The following ERG variants were observed in gnomAD, a reference collection of about 807,000 sequenced individuals.
ERG encodes the protein transcriptional regulator ERG.
A neutral mutation model predicts 55.3 loss-of-function variants in ERG; 9 were observed. That is an observed-to-expected ratio of 0.16 (90% CI 0.10 to 0.28). ERG has a LOEUF of 0.28. Ranked by LOEUF, ERG falls within the 10% of genes least tolerant of loss-of-function variation. The pLI is 1.00. For missense variants in ERG, 434 were observed against 631.6 expected (o/e 0.69, Z 3.35); for synonymous variants, 223 against 237.3 (o/e 0.94, Z 0.55).
At chr21:38,596,622 A>G (rs1339164811) in intron 1 of ERG, among the ~76,000 whole-genome samples, 1 of 152,256 alleles carries the variant, frequency 6.6e-6, no homozygotes, top group Non-Finnish European at 1.5e-5. Context: ...TCAACTACAC[A>G]GGTACATGCA....
intron 1 of ERG, among the ~76,000 whole-genome samples, chr21:38,485,974 C>G (rs1388262827): frequency 6.6e-6 from 1 of 151,818 alleles, no homozygotes; most frequent in Non-Finnish European, 1.5e-5. Context: ...CGCTCTGTAG[C>G]CCAGGCTGGA....
chr21:38,542,018 T>C (rs901191690), intron 2 of ERG, among the ~76,000 whole-genome samples: 2 of 152,194 alleles, frequency 1.3e-5, no homozygotes, highest in African/African-American at 4.8e-5. Flanking sequence ...TCGTTTTTGT[T>C]TTTCTTTTTT....
rs1987504410 is a variant in ERG, at chr21:38,382,697, C to T, written c.*706G>A. The T allele has an allele frequency of 1.9e-6, 2 of 1,067,014 alleles. No homozygotes were observed. 66.1% of individuals were successfully genotyped at this position (1,067,014 alleles called of 1,614,324 possible). A position where few individuals can be genotyped will look rare whatever the true frequency, so the allele number is the denominator to read the frequency against. ...CCTTCTCTGCCTCTTCCTCCTCCTT[C>T]TTCACCCCTCTGTCTACAATCACAC... On this transcript the variant is annotated 3_prime_UTR_variant, in exon 10 of 10. Coordinates refer to ENST00000288319, the MANE Select transcript of ERG (RefSeq NM_182918.4).
At chr21:38,552,319 C>T (rs1443138859) in intron 2 of ERG, among the ~76,000 whole-genome samples, 7 of 152,122 alleles carry the variant, frequency 4.6e-5, no homozygotes, top group Non-Finnish European at 1.0e-4. Flanking sequence ...AAGACTCCTC[C>T]TTAACCTCAT....
intron 6 of ERG, among the ~76,000 whole-genome samples, chr21:38,398,184 C>T (rs1265730012): frequency 6.6e-6 from 1 of 152,140 alleles, no homozygotes; most frequent in Non-Finnish European, 1.5e-5. Flanking sequence ...GTTAGTGATG[C>T]AAAAGCTCTT....
chr21:38,614,772 A>T (rs2060249092), intron 1 of ERG, among the ~76,000 whole-genome samples: 1 of 152,234 alleles, frequency 6.6e-6, no homozygotes, highest in Non-Finnish European at 1.5e-5. Context: ...AGTTGGGAAG[A>T]AAAGACACAG....
chr21:38,448,719 C>G (rs1211812287), intron 1 of ERG, among the ~76,000 whole-genome samples: 2 of 152,322 alleles, frequency 1.3e-5, no homozygotes, highest in Non-Finnish European at 2.9e-5. Flanking sequence ...CATCTTTGTC[C>G]TCCCACTTGA....
intron 2 of ERG, among the ~76,000 whole-genome samples, chr21:38,505,507 T>C (rs2836450): frequency 0.86 from 131,623 of 152,234 alleles, 56,944 homozygotes; most frequent in Middle Eastern, 0.94. Context: ...TGAACTGAAA[T>C]GATGATATCA....
At chr21:38,500,221 C>A (rs1478266760), upstream of ERG, among the ~76,000 whole-genome samples, 2 of 152,204 alleles carry the variant, frequency 1.3e-5, no homozygotes. Context: ...CTGATTATGC[C>A]TTTACCAAAC....
At chr21:38,507,032 T>A (rs1334090338) in intron 2 of ERG, among the ~76,000 whole-genome samples, 3 of 151,314 alleles carry the variant, frequency 2.0e-5, no homozygotes, top group Non-Finnish European at 4.4e-5. Flanking sequence ...CCTGTAACAG[T>A]CGTACATTCC....
intron 2 of ERG, among the ~76,000 whole-genome samples, chr21:38,547,517 A>C (rs1278973176): frequency 6.6e-6 from 1 of 152,192 alleles, no homozygotes; most frequent in African/African-American, 2.4e-5. Context: ...ATGGTAAAGC[A>C]AGGAAAGGAA....
At chr21:38,414,226 T>TA (rs1989183565) in intron 3 of ERG, among the ~76,000 whole-genome samples, 1 of 152,244 alleles carries the variant, frequency 6.6e-6, no homozygotes, top group South Asian at 2.1e-4. Flanking sequence ...TGTGTTTCCA[T>TA]ATCATCTTCC....
intron 1 of ERG, among the ~76,000 whole-genome samples, chr21:38,496,681 A>G (rs2059382283): frequency 6.6e-6 from 1 of 152,364 alleles, no homozygotes; most frequent in African/African-American, 2.4e-5. Context: ...ATTATTTCCA[A>G]AAAAGTGTTC....
At chr21:38,624,495 G>A (rs1447075379) in intron 1 of ERG, among the ~76,000 whole-genome samples, 5 of 152,120 alleles carry the variant, frequency 3.3e-5, no homozygotes, top group African/African-American at 9.7e-5. Flanking sequence ...TACTCATCCC[G>A]GCGAACTCCT....
At chr21:38,459,119 A>G (rs1225239560) in intron 1 of ERG, among the ~76,000 whole-genome samples, 1 of 151,998 alleles carries the variant, frequency 6.6e-6, no homozygotes, top group Non-Finnish European at 1.5e-5. Flanking sequence ...CCACTTCTCT[A>G]CTAGGCTATC....
At chr21:38,477,371 C>T (rs776277437) in intron 1 of ERG, among the ~76,000 whole-genome samples, 1 of 152,132 alleles carries the variant, frequency 6.6e-6, no homozygotes, top group African/African-American at 2.4e-5. Context: ...TCCTCTCTTC[C>T]GACATTTGCA....
At chr21:38,434,288 A>C (rs1236552316) in intron 2 of ERG, among the ~76,000 whole-genome samples, 1 of 152,158 alleles carries the variant, frequency 6.6e-6, no homozygotes. Flanking sequence ...CTCTGTGCTC[A>C]AAGACCACAT....
chr21:38,391,589 A>G, intron 8 of ERG, 70 bp downstream of exon 8: 1 of 1,251,020 alleles, frequency 8.0e-7, no homozygotes, highest in South Asian at 1.3e-5. Context: ...TAAAAAGTGA[A>G]GCATTTTAGA....
chr21:38,541,727 C>A lies in ERG; in HGVS notation c.-41+33935G>T, dbSNP rs536646853. Among the ~76,000 whole-genome samples, 5 of 152,278 alleles carry A rather than the reference C, an allele frequency of 3.3e-5. No individual in the cohort carries two copies. In the East Asian group the frequency reaches 7.7e-4, roughly 24 times the overall value. On this transcript the variant is annotated intron_variant, in intron 2 of 8. Coordinates refer to the ERG transcript ENST00000398897. ...TGTAGTGAATTTAACGAAACTTCAG[C>A]AATTCAAATGAATGCACATTATTCT...
Sources: gnomAD v4.1 joint callset for allele counts (sites outside exome capture counted in the v4.1 genomes callset) on GRCh38, gnomAD v4.1.1 for gene constraint, MANE v1.5 for transcripts, NCBI Gene and HGNC (gene_info 2026-07-23, HGNC 2026-07-21) for gene names.